Variants in KIAA1958 observed in about 807,000 individuals in gnomAD.
KIAA1958 encodes KIAA1958, also known as uncharacterized protein KIAA1958.
In KIAA1958, 14 loss-of-function variants were observed where a neutral mutation model predicts 47.2. The observed-to-expected ratio is 0.30, with a 90% CI of 0.20 to 0.46. KIAA1958 has a LOEUF of 0.46. Among genes scored for constraint, KIAA1958 ranks in the 20% least tolerant of loss-of-function variants. KIAA1958 has a pLI of 1.00. For missense variants in KIAA1958, 803 were observed against 909.2 expected (o/e 0.88, Z 1.50); for synonymous variants, 354 against 353.3 (o/e 1.00, Z -0.02).
chr9:112,487,470 G>A (rs1286310684), intron 1 of KIAA1958, among the ~76,000 whole-genome samples: 4 of 152,076 alleles, frequency 2.6e-5, no homozygotes, highest in African/African-American at 9.7e-5. Context: ...CCCCGCTCCT[G>A]CTCTTGGGTC....
chr9:112,500,131 T>C (rs955341074), intron 1 of KIAA1958, among the ~76,000 whole-genome samples: 2 of 152,114 alleles, frequency 1.3e-5, no homozygotes, highest in South Asian at 4.1e-4. Context: ...AGACAGTGTC[T>C]CGCTCTGTCG....
At chr9:112,501,974 A>G (rs866149519) in intron 1 of KIAA1958, among the ~76,000 whole-genome samples, 14 of 152,280 alleles carry the variant, frequency 9.2e-5, no homozygotes, top group African/African-American at 3.4e-4. Context: ...AGCAATTTAT[A>G]GAAGAGAAAT....
intron 2 of KIAA1958, among the ~76,000 whole-genome samples, chr9:112,626,601 A>C (rs1272421232): frequency 1.3e-5 from 2 of 151,972 alleles, no homozygotes; most frequent in African/African-American, 2.4e-5. Flanking sequence ...ATGTCCATTT[A>C]TTTTCTGTAA....
At chr9:112,656,372 C>CAAA (rs35967386) in intron 3 of KIAA1958, among the ~76,000 whole-genome samples, 7 of 57,830 alleles carry the variant, frequency 1.2e-4, no homozygotes, top group Non-Finnish European at 1.5e-4. Context: ...GACTCTGTCT[C>CAAA]AAAAAAAAAA....
At chr9:112,648,366 G>A (rs1336436935) in intron 3 of KIAA1958, among the ~76,000 whole-genome samples, 1 of 152,182 alleles carries the variant, frequency 6.6e-6, no homozygotes. Flanking sequence ...TCATGACAGA[G>A]CACTCAGAAC....
intron 1 of KIAA1958, among the ~76,000 whole-genome samples, chr9:112,508,486 A>G (rs140257854): frequency 6.6e-6 from 1 of 152,396 alleles, no homozygotes; most frequent in East Asian, 1.9e-4. Flanking sequence ...ACATACGATG[A>G]TGGCACATTG....
intron 1 of KIAA1958, among the ~76,000 whole-genome samples, chr9:112,556,581 T>C (rs1245327573): frequency 3.3e-5 from 5 of 152,224 alleles, no homozygotes; most frequent in African/African-American, 9.6e-5. Flanking sequence ...GCAATCTTCC[T>C]GTCTCAGCCT....
At chr9:112,655,184 A>AT (rs1837128809) in intron 3 of KIAA1958, among the ~76,000 whole-genome samples, 1 of 152,066 alleles carries the variant, frequency 6.6e-6, no homozygotes, top group Non-Finnish European at 1.5e-5. Flanking sequence ...TGGATGTCAC[A>AT]TTTTTTCAAA....
At chr9:112,510,162 G>A (rs1834300100) in intron 1 of KIAA1958, among the ~76,000 whole-genome samples, 1 of 152,200 alleles carries the variant, frequency 6.6e-6, no homozygotes, top group Non-Finnish European at 1.5e-5. Flanking sequence ...CTGTTTGGGA[G>A]AAGCTGGTGT....
chr9:112,592,477 C>T (rs1291422647), intron 2 of KIAA1958, among the ~76,000 whole-genome samples: 1 of 152,184 alleles, frequency 6.6e-6, no homozygotes, highest in African/African-American at 2.4e-5. Flanking sequence ...TTCTGGTCCT[C>T]AGTTTCATCA....
intron 1 of KIAA1958, among the ~76,000 whole-genome samples, chr9:112,530,673 T>C (rs1270865651): frequency 2.0e-5 from 3 of 152,242 alleles, no homozygotes; most frequent in Non-Finnish European, 4.4e-5. Flanking sequence ...AACTTTTACT[T>C]CGCAAATCAT....
At chr9:112,584,642 G>A (rs1835792930) in intron 2 of KIAA1958, among the ~76,000 whole-genome samples, 1 of 152,158 alleles carries the variant, frequency 6.6e-6, no homozygotes, top group African/African-American at 2.4e-5. Context: ...AAGTTCTTCT[G>A]TTGGAATAAA....
chr9:112,669,061 G>A lies in KIAA1958; in HGVS notation c.*8992G>A, dbSNP rs1398973454. ...ATCATTCTGAACGATGTAGGAAGCG[G>A]TCAGTAACGTGAATGATGTTATTGT... On this transcript the variant is annotated 3_prime_UTR_variant, in exon 4 of 4. Coordinates refer to ENST00000337530, the MANE Select transcript of KIAA1958 (RefSeq NM_133465.4). 1 of 152,192 alleles carries A rather than the reference G, an allele frequency of 6.6e-6. No individual in the cohort carries two copies. Among genetic ancestry groups the A allele is most frequent in the African/African-American group, 2.4e-5 (1 of 41,442 alleles). The allele number at this position is 152,192 out of a possible 1,614,324, so 9.4% of individuals were successfully genotyped here.
chr9:112,610,920 A>G (rs1006890916), intron 2 of KIAA1958, among the ~76,000 whole-genome samples: 1 of 152,210 alleles, frequency 6.6e-6, no homozygotes, highest in Non-Finnish European at 1.5e-5. Context: ...CATAACAGAC[A>G]TTAAATAATG....
chr9:112,569,574 T>C (rs909888396), intron 1 of KIAA1958, among the ~76,000 whole-genome samples: 1 of 152,122 alleles, frequency 6.6e-6, no homozygotes, highest in African/African-American at 2.4e-5. Flanking sequence ...TTAGGCTGAA[T>C]GGGAAACACA....
chr9:112,604,917 TATAA>T (rs1836201166), intron 2 of KIAA1958, among the ~76,000 whole-genome samples: 1 of 147,808 alleles, frequency 6.8e-6, no homozygotes, highest in Admixed American at 6.8e-5. Context: ...TTATATACTA[TATAA>T]ATACATATTT....
intron 1 of KIAA1958, among the ~76,000 whole-genome samples, chr9:112,529,712 G>T (rs1834720325): frequency 6.6e-6 from 1 of 152,154 alleles, no homozygotes; most frequent in Non-Finnish European, 1.5e-5. Context: ...TACTGTTGAT[G>T]CCTTGAACCC....
intron 1 of KIAA1958, among the ~76,000 whole-genome samples, chr9:112,533,325 G>C (rs10121855): frequency 1 from 151,876 of 151,876 alleles, 75,938 homozygotes; most frequent in Non-Finnish European, 1. Flanking sequence ...GCTGTAATCC[G>C]AAGCACTTTG....
chr9:112,664,933 T>C lies in KIAA1958; in HGVS notation c.*4864T>C, dbSNP rs1210146029. On this transcript the variant is annotated 3_prime_UTR_variant, in exon 4 of 4. Coordinates refer to ENST00000337530, the MANE Select transcript of KIAA1958 (RefSeq NM_133465.4). ...AGGCAAAGTTTACCCATTATTATTA[T>C]GATTTTGAATATTCCTTGTTCATTA... 2.0e-5 allele frequency: 3 copies of C among 152,238 alleles called. No individual in the cohort carries two copies. Among genetic ancestry groups the C allele is most frequent in the Non-Finnish European group, 4.4e-5 (3 of 68,042 alleles). The allele number at this position is 152,238 out of a possible 1,614,324, so 9.4% of individuals were successfully genotyped here.
Sources: gnomAD v4.1 joint callset for allele counts (sites outside exome capture counted in the v4.1 genomes callset) on GRCh38, gnomAD v4.1.1 for gene constraint, MANE v1.5 for transcripts, NCBI Gene and HGNC (gene_info 2026-07-23, HGNC 2026-07-21) for gene names.